Variants in ANXA8 observed in about 807,000 individuals in gnomAD.
The protein encoded by ANXA8 is annexin A8, also known as VAC-beta.
A neutral mutation model predicts 26.8 loss-of-function variants in ANXA8; 9 were observed. The observed-to-expected ratio is 0.34, with a 90% CI of 0.20 to 0.59. The LOEUF (loss-of-function observed/expected upper bound fraction) is 0.59, where lower values mean the gene tolerates loss of function less well. Ranked by LOEUF, ANXA8 falls within the 20% of genes least tolerant of loss-of-function variation. The pLI, the probability that ANXA8 is intolerant of heterozygous loss-of-function variation, is 0.84. For missense variants in ANXA8, 83 were observed against 238.5 expected, an observed-to-expected ratio of 0.35 and a Z score of 4.29; for synonymous variants, 39 against 94.8, an observed-to-expected ratio of 0.41 and a Z score of 3.42.
the ANXA8 span, among the ~76,000 whole-genome samples, chr10:47,495,628 C>G: frequency 1.3e-3 from 196 of 146,758 alleles, no homozygotes; most frequent in African/African-American, 4.8e-3. Context: ...CTTCTGGAAA[C>G]TATATGGGGC....
At chr10:47,483,585 C>T (rs1274084110) in intron 1 of ANXA8, among the ~76,000 whole-genome samples, 1 of 141,700 alleles carries the variant, frequency 7.1e-6, no homozygotes, top group Non-Finnish European at 1.5e-5. Context: ...ACACACAAGG[C>T]TCAACCATGA....
chr10:47,743,359 T>C, the ANXA8 span, among the ~76,000 whole-genome samples: 761 of 40,298 alleles, frequency 0.019, 46 homozygotes, highest in South Asian at 0.045. Context: ...TATATACACA[T>C]ATATATATAT....
At chr10:47,895,132 G>A in the ANXA8 span, among the ~76,000 whole-genome samples, 5 of 151,598 alleles carry the variant, frequency 3.3e-5, no homozygotes, top group African/African-American at 1.2e-4. Flanking sequence ...ATTTGGCATA[G>A]TCAGCAAGAT....
the ANXA8 span, among the ~76,000 whole-genome samples, chr10:47,779,343 G>A: frequency 3.2e-5 from 2 of 61,592 alleles, no homozygotes; most frequent in Non-Finnish European, 6.1e-5. Flanking sequence ...TCAGTTGATC[G>A]ACTGCTATGG....
the ANXA8 span, among the ~76,000 whole-genome samples, chr10:47,970,677 C>A: frequency 6.6e-6 from 1 of 151,344 alleles, no homozygotes; most frequent in Non-Finnish European, 1.5e-5. Flanking sequence ...ATATTTAATT[C>A]CTAAGGCATT....
chr10:47,894,683 C>A, the ANXA8 span, among the ~76,000 whole-genome samples: 2 of 152,142 alleles, frequency 1.3e-5, no homozygotes, highest in African/African-American at 4.8e-5. Flanking sequence ...CCACACACAT[C>A]ACATACAGAC....
the ANXA8 span, chr10:47,934,375 A>AGTT: frequency 9.4e-5 from 7 of 74,834 alleles, no homozygotes; most frequent in African/African-American, 3.0e-4. Context: ...GTAGCTTTAA[A>AGTT]ACAGTTACAT....
the ANXA8 span, among the ~76,000 whole-genome samples, chr10:47,566,386 GAA>G: frequency 7.7e-6 from 1 of 130,500 alleles, no homozygotes. Context: ...AGAGAAAGTT[GAA>G]AAAAAAAAAA....
the ANXA8 span, among the ~76,000 whole-genome samples, chr10:47,661,974 ACT>A: frequency 6.8e-6 from 1 of 147,650 alleles, no homozygotes; most frequent in African/African-American, 2.7e-5. Context: ...TGAGGGTCTC[ACT>A]CTATCACCCA....
the ANXA8 span, among the ~76,000 whole-genome samples, chr10:47,590,785 G>A: frequency 1.4e-5 from 2 of 140,100 alleles, 1 homozygote; most frequent in African/African-American, 6.4e-5. Context: ...TTTACCAAAA[G>A]CAGTCACTGG....
chr10:47,586,704 G>A, the ANXA8 span, among the ~76,000 whole-genome samples: 5 of 145,780 alleles, frequency 3.4e-5, no homozygotes, highest in Non-Finnish European at 7.4e-5. Flanking sequence ...AGAGGTGAAG[G>A]AGGGTAAATT....
chr10:47,901,813 A>G, the ANXA8 span, among the ~76,000 whole-genome samples: 1 of 150,644 alleles, frequency 6.6e-6, no homozygotes, highest in Admixed American at 6.6e-5. Flanking sequence ...TATATTTAGT[A>G]TTATTATAAA....
the ANXA8 span, among the ~76,000 whole-genome samples, chr10:47,594,915 C>T: frequency 8.7e-3 from 1,295 of 149,254 alleles, 42 homozygotes; most frequent in Admixed American, 0.014. Context: ...ATCCAGAGAA[C>T]CTCTGTTATA....
chr10:47,666,182 G>GCC, the ANXA8 span, among the ~76,000 whole-genome samples: 4 of 75,470 alleles, frequency 5.3e-5, no homozygotes, highest in African/African-American at 2.2e-4. Context: ...CCTCTTACCC[G>GCC]CCCCCCCCAT....
At chr10:47,700,755 T>G in the ANXA8 span, among the ~76,000 whole-genome samples, 2 of 151,004 alleles carry the variant, frequency 1.3e-5, no homozygotes, top group Admixed American at 1.3e-4. Context: ...AACAAAAGGC[T>G]AATATCCCTA....
the ANXA8 span, among the ~76,000 whole-genome samples, chr10:47,930,185 T>G: frequency 6.6e-6 from 1 of 151,360 alleles, no homozygotes; most frequent in Non-Finnish European, 1.5e-5. Flanking sequence ...CCCTTCACCT[T>G]AAGTGAACCT....
chr10:47,736,377 A>G, the ANXA8 span, among the ~76,000 whole-genome samples: 1 of 74,874 alleles, frequency 1.3e-5, no homozygotes, highest in African/African-American at 5.3e-5. Context: ...GCCAGTATCT[A>G]GTGTGTACTT....
At chr10:47,699,115 G>A in the ANXA8 span, among the ~76,000 whole-genome samples, 33 of 151,664 alleles carry the variant, frequency 2.2e-4, no homozygotes, top group Non-Finnish European at 3.7e-4. Context: ...GAGAGGCCAA[G>A]GTGGGCGGAT....
chr10:47,970,883 C>A, the ANXA8 span, among the ~76,000 whole-genome samples: 3 of 151,298 alleles, frequency 2.0e-5, no homozygotes, highest in African/African-American at 7.3e-5. Context: ...CTGGGCACAC[C>A]AGAGGCAAGG....
Sources: allele counts gnomAD v4.1 joint callset (sites outside exome capture counted in the v4.1 genomes callset), GRCh38; gene constraint gnomAD v4.1.1; transcripts MANE v1.5; gene names NCBI Gene and HGNC (gene_info 2026-07-23, HGNC 2026-07-21).